TEKT1: variants seen among roughly 807,000 people sequenced by gnomAD.
The protein encoded by TEKT1 is tektin 1, also known as tektin-1.
Under a neutral mutation model 34.8 loss-of-function variants are expected in TEKT1, and 32 were observed. That is an observed-to-expected ratio of 0.92 (90% CI 0.69 to 1.23). The LOEUF (loss-of-function observed/expected upper bound fraction) is 1.23, where lower values mean the gene tolerates loss of function less well. Among genes scored for constraint, TEKT1 ranks in the 50% most tolerant of loss-of-function variants. The pLI, the probability that TEKT1 is intolerant of heterozygous loss-of-function variation, is 0.00. For synonymous variants in TEKT1, 207 were observed against 199.8 expected (o/e 1.04, Z -0.30); for missense variants, 492 against 518.5 (o/e 0.95, Z 0.50).
intron 6 of TEKT1, among the ~76,000 whole-genome samples, chr17:6,808,036 CT>C (rs1976870098): frequency 2.0e-5 from 3 of 152,204 alleles, no homozygotes; most frequent in Non-Finnish European, 4.4e-5. Context: ...ATTCTGCTGC[CT>C]TTTGTTTGGC....
Position 6,830,177 on chromosome 17 carries a change from G to A in TEKT1, c.190+10C>T, listed in dbSNP as rs763151169. Reference sequence around the variant, plus strand: ...GCATGTTCACGAATATGCCAAGCATGTTGTCTTACCTAGTTTCTTGTTCAC... The same window carrying A: ...GCATGTTCACGAATATGCCAAGCATATTGTCTTACCTAGTTTCTTGTTCAC... On this transcript the variant is annotated intron_variant, in intron 2 of 7. Coordinates refer to ENST00000338694, the MANE Select transcript of TEKT1 (RefSeq NM_053285.2). 1.9e-6 allele frequency: 3 copies of A among 1,604,624 alleles called. No homozygotes were observed. The highest frequency in any genetic ancestry group is 4.5e-5 in the East Asian group (2 of 44,756).
rs1976757588 is a variant in TEKT1, at chr17:6,800,695, C to G, written c.1049+52G>C. Reference sequence around the variant, plus strand: ...TCACTATCTAGCCTCTGCTTGATATCCAGGTTGGGATTGAGACCCGAAGGC... The same window carrying G: ...TCACTATCTAGCCTCTGCTTGATATGCAGGTTGGGATTGAGACCCGAAGGC... On this transcript the variant is annotated intron_variant, in intron 7 of 7. Transcript: ENST00000338694. 5.8e-6 allele frequency: 9 copies of G among 1,559,238 alleles called. No individual in the cohort carries two copies. In the South Asian group the frequency reaches 7.3e-5, roughly 13 times the overall value.
At chr17:6,814,762 C>T (rs773541387) in intron 5 of TEKT1, among the ~76,000 whole-genome samples, 7 of 150,232 alleles carry the variant, frequency 4.7e-5, no homozygotes, top group Non-Finnish European at 1.0e-4. Context: ...GGCGTGAACC[C>T]GGGAGACGGA....
chr17:6,816,083 C>A (rs936466876), intron 3 of TEKT1, 121 bp from the exon 4 acceptor site: 3 of 1,358,884 alleles, frequency 2.2e-6, no homozygotes, highest in Admixed American at 4.4e-5. Context: ...CCGATCCATC[C>A]GATGACACAG....
At chr17:6,807,414 C>T (rs569666913) in intron 6 of TEKT1, among the ~76,000 whole-genome samples, 1 of 152,086 alleles carries the variant, frequency 6.6e-6, no homozygotes, top group Admixed American at 6.6e-5. Context: ...TGGGTTCGAA[C>T]TTCCTCCTTT....
chr17:6,818,912 T>A (rs1977046497), intron 3 of TEKT1, among the ~76,000 whole-genome samples: 1 of 152,202 alleles, frequency 6.6e-6, no homozygotes, highest in Non-Finnish European at 1.5e-5. Flanking sequence ...GAAATCGTTT[T>A]CTTTAAATTC....
chr17:6,800,363 A>T, intron 7 of TEKT1, 129 bp from the exon 8 acceptor site: 3 of 713,508 alleles, frequency 4.2e-6, no homozygotes, highest in Non-Finnish European at 4.5e-6. Context: ...CTCTCTCCTC[A>T]TGAAGACAGA....
At chr17:6,805,762 T>C (rs1266597711) in intron 6 of TEKT1, among the ~76,000 whole-genome samples, 1 of 152,220 alleles carries the variant, frequency 6.6e-6, no homozygotes, top group Non-Finnish European at 1.5e-5. Flanking sequence ...TCAGTTTCCA[T>C]GTAGTTGAGT....
intron 2 of TEKT1, among the ~76,000 whole-genome samples, chr17:6,825,643 A>G (rs1463072621): frequency 2.0e-5 from 3 of 152,234 alleles, no homozygotes; most frequent in Admixed American, 2.0e-4. Context: ...CAGTTCTATC[A>G]TTCCACACAC....
chr17:6,809,458 C>T lies in TEKT1; in HGVS notation c.852+3373G>A, dbSNP rs1043450791. Among the ~76,000 whole-genome samples the T allele has an allele frequency of 9.8e-5, 15 of 152,300 alleles. No homozygotes were observed. In the South Asian group the frequency reaches 2.5e-3, roughly 25 times the overall value. Reference sequence around the variant, plus strand: ...TGTTGGCCAAGCTGGTCTTGAACCTCTGACCTCAGGTGATCCACCCGCCTC... The same window carrying T: ...TGTTGGCCAAGCTGGTCTTGAACCTTTGACCTCAGGTGATCCACCCGCCTC... On this transcript the variant is annotated intron_variant, in intron 6 of 7. Coordinates refer to ENST00000338694, the MANE Select transcript of TEKT1 (RefSeq NM_053285.2).
At position 6,822,761 on chromosome 17, in the gene TEKT1, TTTGA is replaced by T. The variant is rs1977111374; in HGVS notation, c.191-3407_191-3404del. 2.6e-5 allele frequency among the ~76,000 whole-genome samples: 4 copies of T among 152,338 alleles called. No homozygotes were observed. In the South Asian group the frequency reaches 8.3e-4, roughly 32 times the overall value. On this transcript the variant is annotated intron_variant, in intron 2 of 7. Coordinates refer to ENST00000338694, the MANE Select transcript of TEKT1 (RefSeq NM_053285.2). ...TATCTGTCTCCTGAGTTTCTGTGTCTTTGATTATTTGTTTTGGTGTCTGCCATGT... is the reference window on the plus strand; with the variant it reads ...TATCTGTCTCCTGAGTTTCTGTGTCTTTATTTGTTTTGGTGTCTGCCATGT...
intron 6 of TEKT1, among the ~76,000 whole-genome samples, chr17:6,812,596 G>C (rs2151585620): frequency 6.6e-6 from 1 of 152,308 alleles, no homozygotes; most frequent in Non-Finnish European, 1.5e-5. Flanking sequence ...CTGCATTTCT[G>C]TTCTCTGCAG....
intron 5 of TEKT1, chr17:6,814,837 C>CAA: frequency 5.2e-5 from 8 of 155,014 alleles, no homozygotes; most frequent in Non-Finnish European, 9.2e-5. Context: ...GACTCTGTCT[C>CAA]AAAAAAAAAA....
chr17:6,808,496 C>G lies in TEKT1; in HGVS notation c.852+4335G>C, dbSNP rs184958916. 6.5e-3 allele frequency among the ~76,000 whole-genome samples: 993 copies of G among 152,262 alleles called. 9 individuals are homozygous for G. Among genetic ancestry groups the G allele is most frequent in the Middle Eastern group, 0.02 (6 of 294 alleles). On this transcript the variant is annotated intron_variant, in intron 6 of 7. Coordinates refer to ENST00000338694, the MANE Select transcript of TEKT1 (RefSeq NM_053285.2). The stretch of plus-strand genomic sequence containing the variant: ...GTCCTGCACCCACTTTCCGACACTC[C>G]CCAGTGAGATGAACCTGGTACCTCA...
Position 6,799,975 on chromosome 17 carries a change from T to A in TEKT1, c.*52A>T. ...GCCTGAAATGAGAGCTCTGTACTAC[T>A]GTAACTACTGTTTACAATGTGGTTT... On this transcript the variant is annotated 3_prime_UTR_variant, in exon 8 of 8. Coordinates refer to ENST00000338694, the MANE Select transcript of TEKT1 (RefSeq NM_053285.2). 3 of 1,548,852 alleles carry A rather than the reference T, an allele frequency of 1.9e-6. No individual in the cohort carries two copies. Among genetic ancestry groups the A allele is most frequent in the Non-Finnish European group, 2.6e-6 (3 of 1,149,010 alleles).
chr17:6,826,912 G>C (rs1033247377), intron 2 of TEKT1, among the ~76,000 whole-genome samples: 5 of 152,110 alleles, frequency 3.3e-5, no homozygotes, highest in Non-Finnish European at 5.9e-5. Context: ...AGCCAGGATG[G>C]TCTCGCTGTC....
chr17:6,800,196 T>A lies in TEKT1; in HGVS notation c.1088A>T (p.Lys363Ile). The change falls in exon 8 of 8, where the codon AAA becomes ATA. Residue 363 changes from lysine to isoleucine, a missense_variant. Physicochemically the swap from Lys to Ile is moderately radical, Grantham distance 102 (BLOSUM62 -3). Transcript: ENST00000338694. ...GGCAAGCTGTCTGCGATGCAGCCCT[T>A]TCAGCTCTGCCTGAGCTTGGGCTAA... is the stretch of plus-strand genomic sequence containing the variant. ...ETLAQAQAELKGLHRRQLALQ... is the reference protein window; with the variant it reads ...ETLAQAQAELIGLHRRQLALQ... 6.2e-7 allele frequency: 1 copy of A among 1,614,188 alleles called. No homozygotes were observed. Among genetic ancestry groups the A allele is most frequent in the Non-Finnish European group, 8.5e-7 (1 of 1,180,028 alleles).
chr17:6,816,239 T>C (rs1977007074), intron 3 of TEKT1, among the ~76,000 whole-genome samples: 1 of 152,194 alleles, frequency 6.6e-6, no homozygotes, highest in Non-Finnish European at 1.5e-5. Flanking sequence ...TTTGTATTTT[T>C]TTTAAATTAT....
At chr17:6,813,956 C>G (rs1161267351) in intron 5 of TEKT1, among the ~76,000 whole-genome samples, 1 of 151,760 alleles carries the variant, frequency 6.6e-6, no homozygotes, top group Non-Finnish European at 1.5e-5. Flanking sequence ...TTCTCTCTCT[C>G]TCTCTCTCTC....
Sources: gnomAD v4.1 joint callset for allele counts (sites outside exome capture counted in the v4.1 genomes callset) on GRCh38, gnomAD v4.1.1 for gene constraint, MANE v1.5 for transcripts, NCBI Gene and HGNC (gene_info 2026-07-23, HGNC 2026-07-21) for gene names.